MSRB3: variants seen among roughly 807,000 people sequenced by gnomAD.
MSRB3 encodes the protein methionine sulfoxide reductase B3.
MSRB3 carries 13 observed loss-of-function variants against 21.0 expected under a neutral mutation model. The ratio of observed to expected loss-of-function variants is 0.62; its 90% CI spans 0.40 to 0.98. MSRB3 has a LOEUF of 0.98. MSRB3 is among the 50% of genes least tolerant of loss of function. The probability of loss-of-function intolerance (pLI) is 0.00; values close to 1 mark genes in which losing one functional copy is unlikely to be tolerated. For synonymous variants in MSRB3, 87 were observed against 88.6 expected, an observed-to-expected ratio of 0.98 and a Z score of 0.10; for missense variants, 199 against 230.3, an observed-to-expected ratio of 0.86 and a Z score of 0.88.
intron 1 of MSRB3, among the ~76,000 whole-genome samples, chr12:65,308,221 A>G (rs1323383249): frequency 2.0e-5 from 3 of 152,332 alleles, no homozygotes; most frequent in Admixed American, 6.5e-5. Context: ...TTCCTGTCAC[A>G]TGGTATGAAC....
intron 4 of MSRB3, among the ~76,000 whole-genome samples, chr12:65,355,142 G>A (rs1184979140): frequency 6.6e-6 from 1 of 151,828 alleles, no homozygotes; most frequent in Non-Finnish European, 1.5e-5. Flanking sequence ...TGGGGGATAG[G>A]AAATTTTTTA....
rs185956835 is a variant in MSRB3 at position 65,354,507 on chromosome 12, T to C, written c.264-14491T>C. 5.3e-4 allele frequency among the ~76,000 whole-genome samples: 80 copies of C among 152,140 alleles called. 1 individual carries two copies. The highest frequency in any genetic ancestry group is 3.0e-3 in the Admixed American group (46 of 15,260). ...CATCACTGATAACCCTTTCTTCCAG[T>C]TGATCGAATCGGCTACTGAGGCTTG... On this transcript the variant is annotated intron_variant, in intron 4 of 6. Transcript: ENST00000308259.
chr12:65,443,905 GTC>G (rs1381898945), intron 5 of MSRB3, among the ~76,000 whole-genome samples: 4 of 151,850 alleles, frequency 2.6e-5, no homozygotes, highest in African/African-American at 9.7e-5. Context: ...TCTACTTTCT[GTC>G]TCTGTAATTT....
At chr12:65,434,626 G>A (rs79513345) in intron 5 of MSRB3, among the ~76,000 whole-genome samples, 3,493 of 151,778 alleles carry the variant, frequency 0.023, 155 homozygotes, top group African/African-American at 0.081. Flanking sequence ...CATGAATGAC[G>A]GAAGAAGGTG....
intron 4 of MSRB3, among the ~76,000 whole-genome samples, chr12:65,361,220 A>G (rs912004545): frequency 2.0e-5 from 3 of 152,080 alleles, no homozygotes; most frequent in African/African-American, 7.2e-5. Context: ...TGTCAGGACC[A>G]CCTAGGTACT....
chr12:65,381,009 T>C (rs1878912852), intron 5 of MSRB3, among the ~76,000 whole-genome samples: 1 of 152,184 alleles, frequency 6.6e-6, no homozygotes, highest in Non-Finnish European at 1.5e-5. Context: ...AAGTAGTTAC[T>C]CGGATTCAGT....
intron 5 of MSRB3, among the ~76,000 whole-genome samples, chr12:65,371,096 G>C (rs1413792425): frequency 6.6e-6 from 1 of 152,170 alleles, no homozygotes; most frequent in Non-Finnish European, 1.5e-5. Flanking sequence ...GGGAGGCAGA[G>C]GCAGGCAGAT....
At chr12:65,323,303 A>T (rs1030042639) in intron 2 of MSRB3, among the ~76,000 whole-genome samples, 1 of 152,262 alleles carries the variant, frequency 6.6e-6, no homozygotes, top group Non-Finnish European at 1.5e-5. Context: ...GCAACAACAC[A>T]GGACAAGCTT....
intron 5 of MSRB3, among the ~76,000 whole-genome samples, chr12:65,445,995 C>T (rs1882600820): frequency 6.6e-6 from 1 of 152,090 alleles, no homozygotes; most frequent in African/African-American, 2.4e-5. Context: ...CTTAATAAAG[C>T]TGAATGAAGC....
At chr12:65,436,050 A>G (rs1882100133) in intron 5 of MSRB3, among the ~76,000 whole-genome samples, 1 of 151,854 alleles carries the variant, frequency 6.6e-6, no homozygotes, top group African/African-American at 2.4e-5. Flanking sequence ...AGAAGTTTCA[A>G]TATAGTGTCC....
At chr12:65,354,544 C>T (rs1379028512) in intron 4 of MSRB3, among the ~76,000 whole-genome samples, 12 of 152,042 alleles carry the variant, frequency 7.9e-5, no homozygotes, top group Non-Finnish European at 1.3e-4. Flanking sequence ...GCATTCGTCA[C>T]GTAGTTCTCT....
chr12:65,294,971 G>A (rs555043780), intron 1 of MSRB3, among the ~76,000 whole-genome samples: 1 of 152,028 alleles, frequency 6.6e-6, no homozygotes, highest in Non-Finnish European at 1.5e-5. Context: ...TGGGACTATA[G>A]GCATGCCTAC....
At chr12:65,426,582 G>C (rs1055990394) in intron 5 of MSRB3, among the ~76,000 whole-genome samples, 14 of 151,946 alleles carry the variant, frequency 9.2e-5, no homozygotes, top group African/African-American at 3.4e-4. Context: ...CTGGATATTT[G>C]TATCTTTCCC....
At chr12:65,423,590 A>G (rs184591142) in intron 5 of MSRB3, among the ~76,000 whole-genome samples, 1 of 152,124 alleles carries the variant, frequency 6.6e-6, no homozygotes, top group Non-Finnish European at 1.5e-5. Context: ...TTCTACTTCT[A>G]TTGAGATGAT....
intron 1 of MSRB3, among the ~76,000 whole-genome samples, chr12:65,307,981 A>G (rs772764470): frequency 2.0e-5 from 3 of 152,160 alleles, no homozygotes. Context: ...TTCTCCAGGG[A>G]GGGAGATTTG....
At chr12:65,288,786 T>A (rs1872527662) in intron 1 of MSRB3, among the ~76,000 whole-genome samples, 1 of 152,164 alleles carries the variant, frequency 6.6e-6, no homozygotes, top group Non-Finnish European at 1.5e-5. Context: ...ATTTAACTCT[T>A]AAGGTTGGTT....
At chr12:65,323,138 G>T (rs1438089321) in intron 2 of MSRB3, among the ~76,000 whole-genome samples, 2 of 152,184 alleles carry the variant, frequency 1.3e-5, no homozygotes, top group Non-Finnish European at 2.9e-5. Flanking sequence ...CCTTATAGCA[G>T]ATCTTTGAGG....
intron 4 of MSRB3, among the ~76,000 whole-genome samples, chr12:65,343,746 C>T (rs1185141506): frequency 1.3e-5 from 2 of 152,040 alleles, no homozygotes; most frequent in Admixed American, 1.3e-4. Flanking sequence ...GCCCCTAAGG[C>T]ACCCTTCCCT....
chr12:65,442,806 G>A (rs1882443456), intron 5 of MSRB3, among the ~76,000 whole-genome samples: 1 of 152,092 alleles, frequency 6.6e-6, no homozygotes, highest in Admixed American at 6.6e-5. Context: ...AGATCAGGCT[G>A]TTACATGTGA....
Sources: gnomAD v4.1 joint callset for allele counts (sites outside exome capture counted in the v4.1 genomes callset) on GRCh38, gnomAD v4.1.1 for gene constraint, MANE v1.5 for transcripts, NCBI Gene and HGNC (gene_info 2026-07-23, HGNC 2026-07-21) for gene names.